The following FCMR variants were observed in gnomAD, a reference collection of about 807,000 sequenced individuals.
FCMR encodes the protein Fc mu receptor.
In FCMR, 34 loss-of-function variants were observed where a neutral mutation model predicts 41.6. The ratio of observed to expected loss-of-function variants is 0.82; its 90% CI spans 0.62 to 1.09. The LOEUF (loss-of-function observed/expected upper bound fraction) is 1.09, where lower values mean the gene tolerates loss of function less well. Among genes scored for constraint, FCMR ranks in the 50% least tolerant of loss-of-function variants. The probability of loss-of-function intolerance (pLI) is 0.00; values close to 1 mark genes in which losing one functional copy is unlikely to be tolerated. For synonymous variants in FCMR, 209 were observed against 211.8 expected (o/e 0.99, Z 0.12); for missense variants, 496 against 512.5 (o/e 0.97, Z 0.31).
Position 206,912,999 on chromosome 1 carries a change from T to G in FCMR, c.417A>C (p.Pro139=). ...SWEEQPMPET[P]KWFHLPYLFQ... ...ACAAATAGGGCAGATGAAACCATTT[T>G]GGAGTCTCAGGCATTGGCTGCTCTT... Residue 139 remains proline, a synonymous_variant, in exon 3 of 8, where the codon CCA becomes CCC. Transcript: ENST00000367091. 1 of 1,613,942 alleles carries G rather than the reference T, an allele frequency of 6.2e-7. No homozygotes were observed. Among genetic ancestry groups the G allele is most frequent in the Non-Finnish European group, 8.5e-7 (1 of 1,179,788 alleles).
chr1:206,913,851 A>G lies in FCMR; in HGVS notation c.281T>C (p.Leu94Pro), dbSNP rs1401986782. The G allele has an allele frequency of 2.5e-6, 4 of 1,614,090 alleles. No individual in the cohort carries two copies. Among genetic ancestry groups the G allele is most frequent in the Non-Finnish European group, 3.4e-6 (4 of 1,180,050 alleles). ...KNLFLVEVTQLTESDSGVYAC... is the reference protein window; with the variant it reads ...KNLFLVEVTQPTESDSGVYAC... ...ATAGACTCCGCTGTCACTTTCTGTC[A>G]GCTGTGTTACCTCCACTAGGAACAG... is the stretch of plus-strand genomic sequence containing the variant. The change falls in exon 2 of 8, where the codon CTG becomes CCG. Residue 94 changes from leucine (L) to proline (P), a missense_variant. By Grantham distance (98) the Leu-to-Pro change is moderately conservative. Transcript: ENST00000367091.
chr1:206,907,344 G>A (rs141162302), intron 7 of FCMR, among the ~76,000 whole-genome samples: 1 of 152,152 alleles, frequency 6.6e-6, no homozygotes, highest in Admixed American at 6.5e-5. Context: ...CTGTAAGCTG[G>A]GACGTGCACA....
chr1:206,920,618 G>T (rs1337781637), intron 1 of FCMR, among the ~76,000 whole-genome samples: 2 of 152,140 alleles, frequency 1.3e-5, no homozygotes, highest in African/African-American at 2.4e-5. Context: ...CTCAGAGTAT[G>T]AAAGGGGATA....
intron 7 of FCMR, chr1:206,906,067 C>A: frequency 3.0e-6 from 1 of 329,712 alleles, no homozygotes; most frequent in South Asian, 3.2e-5. Context: ...GGATGAAACT[C>A]AGTCAAGTAA....
At chr1:206,907,981 G>A (rs1678747726) in intron 7 of FCMR, 1 of 1,448,330 alleles carries the variant, frequency 6.9e-7, no homozygotes, top group Non-Finnish European at 9.7e-7. Context: ...GGTGGTTCCT[G>A]CTGCCCTCAA....
chr1:206,911,391 G>A (rs903399948), intron 4 of FCMR, among the ~76,000 whole-genome samples: 15 of 152,234 alleles, frequency 9.9e-5, no homozygotes, highest in African/African-American at 2.4e-4. Context: ...CATTAAAACA[G>A]TAAAAGGAAA....
rs1420697337 is a variant in FCMR at position 206,913,061 on chromosome 1, A to T, written c.374-19T>A. ...TCGTATTCTATTGGAAGGAAGAGGA[A>T]TATGTTGGTGGTCTCTAGGGGGAGA... On this transcript the variant is annotated intron_variant, in intron 2 of 7. Transcript: ENST00000367091. 6.3e-7 allele frequency: 1 copy of T among 1,583,004 alleles called. No homozygotes were observed. The highest frequency in any genetic ancestry group is 2.2e-5 in the East Asian group (1 of 44,534).
At chr1:206,918,925 A>G (rs533404985) in intron 1 of FCMR, among the ~76,000 whole-genome samples, 3 of 152,222 alleles carry the variant, frequency 2.0e-5, no homozygotes, top group Admixed American at 1.3e-4. Context: ...TAAAGCCCAA[A>G]TACTATATAT....
intron 1 of FCMR, among the ~76,000 whole-genome samples, chr1:206,920,399 G>A (rs1679382877): frequency 6.7e-6 from 1 of 150,270 alleles, no homozygotes; most frequent in Middle Eastern, 3.5e-3. Context: ...AGGTTGCAGT[G>A]TGATGAGATT....
Position 206,911,930 on chromosome 1 carries a change from GC to G in FCMR, c.509del (p.Gly170AlafsTer27). On this transcript the variant is annotated frameshift_variant, in exon 4 of 8. Coordinates refer to ENST00000367091, the MANE Select transcript of FCMR (RefSeq NM_005449.5). LOFTEE classifies it high-confidence loss of function. ...AGGAGTGGTGAACTGGAGGGACCTTGCCCCTTTGAGCTGGTGTGGTAACTGC... is the reference window on the plus strand; with the variant it reads ...AGGAGTGGTGAACTGGAGGGACCTTGCCCTTTGAGCTGGTGTGGTAACTGC... Reference protein sequence around the residue: ...VTRVTTPAQRGKVPPVHHSSP... With the variant: ...VTRVTTPAQRXKVPPVHHSSP... The G allele has an allele frequency of 1.2e-6, 2 of 1,608,400 alleles. No homozygotes were observed. Among genetic ancestry groups the G allele is most frequent in the Non-Finnish European group, 1.7e-6 (2 of 1,178,370 alleles).
chr1:206,912,778 T>G (rs1572624726), intron 3 of FCMR, 151 bp downstream of exon 3: 5 of 612,762 alleles, frequency 8.2e-6, no homozygotes, highest in East Asian at 2.7e-5. Flanking sequence ...CTCAGGGAGG[T>G]ATGTGCCCTC....
Position 206,905,141 on chromosome 1 carries a change from C to A in FCMR, c.1051G>T (p.Glu351Ter). The A allele has an allele frequency of 1.2e-6, 2 of 1,614,046 alleles. No homozygotes were observed. Among genetic ancestry groups the A allele is most frequent in the Non-Finnish European group, 1.7e-6 (2 of 1,179,984 alleles). Reference sequence around the variant, plus strand: ...GATGGGGCATGGAGCCAGGGAGATTCAGACACCTGGGGACAATGAAAGAAG... The same window carrying A: ...GATGGGGCATGGAGCCAGGGAGATTAAGACACCTGGGGACAATGAAAGAAG... The part of the protein sequence containing the change: ...PLPPAPLQVS[E>*]SPWLHAPSLK... The change falls in exon 8 of 8, where the codon GAA (glutamate) becomes TAA (stop). Residue 351 changes from glutamate to a stop codon, truncating the protein, a stop_gained. Transcript: ENST00000367091. LOFTEE classifies it low-confidence loss of function (END_TRUNC).
intron 7 of FCMR, chr1:206,907,990 A>C: frequency 3.5e-6 from 5 of 1,448,420 alleles, no homozygotes; most frequent in Middle Eastern, 4.8e-4. Flanking sequence ...TGCTGCCCTC[A>C]AGGTCGTGCG....
At chr1:206,916,461 C>G (rs1432642746) in intron 1 of FCMR, among the ~76,000 whole-genome samples, 4 of 152,348 alleles carry the variant, frequency 2.6e-5, no homozygotes, top group Non-Finnish European at 5.9e-5. Flanking sequence ...ATGTAGCAAC[C>G]TCCAGCAGCC....
chr1:206,906,504 G>A (rs1678651853), intron 7 of FCMR: 1 of 152,386 alleles, frequency 6.6e-6, no homozygotes, highest in Non-Finnish European at 1.5e-5. Context: ...AACTTTCTTT[G>A]TCTGAAATAG....
intron 1 of FCMR, 39 bp from the exon 2 acceptor site, chr1:206,914,133 TCTAA>T (rs755124279): frequency 6.7e-7 from 1 of 1,489,192 alleles, no homozygotes; most frequent in Non-Finnish European, 9.3e-7. Context: ...GAGCCCCATC[TCTAA>T]CTATATCCCA....
At chr1:206,913,406 T>C (rs974529235) in intron 2 of FCMR, among the ~76,000 whole-genome samples, 7 of 152,184 alleles carry the variant, frequency 4.6e-5, no homozygotes, top group Non-Finnish European at 1.0e-4. Context: ...TTAGTGTCTT[T>C]CCTTTATTTC....
rs747574362 is a variant in FCMR at position 206,910,193 on chromosome 1, G to A, written c.841+17C>T. 2.5e-6 allele frequency: 4 copies of A among 1,585,816 alleles called. No homozygotes were observed. Among genetic ancestry groups the A allele is most frequent in the Middle Eastern group, 1.9e-4 (1 of 5,336 alleles). ...TTTGGGCAGCTCAGCTCTCCCTACC[G>A]AAGCCCAGCCGCTCACCTTTCCTCC... On this transcript the variant is annotated intron_variant, in intron 5 of 7. Coordinates refer to ENST00000367091, the MANE Select transcript of FCMR (RefSeq NM_005449.5).
In FCMR at chr1:206,921,930, C is replaced by T; in HGVS notation, c.-76G>A. On this transcript the variant is annotated 5_prime_UTR_variant, in exon 1 of 8. Transcript: ENST00000367091. ...GGAGACACGCTGCTTACTCAGGAACCCTTCACAATCTGGAACTGGAAAGAG... is the reference window on the plus strand; with the variant it reads ...GGAGACACGCTGCTTACTCAGGAACTCTTCACAATCTGGAACTGGAAAGAG... The T allele has an allele frequency of 2.2e-6, 3 of 1,335,852 alleles. No homozygotes were observed. Among genetic ancestry groups the T allele is most frequent in the South Asian group, 2.4e-5 (2 of 83,816 alleles). The allele number at this position is 1,335,852 out of a possible 1,614,324, so 82.7% of individuals were successfully genotyped here. A position where few individuals can be genotyped will look rare whatever the true frequency, so the allele number is the denominator to read the frequency against.
Sources: allele counts gnomAD v4.1 joint callset (sites outside exome capture counted in the v4.1 genomes callset), GRCh38; gene constraint gnomAD v4.1.1; transcripts MANE v1.5; gene names NCBI Gene and HGNC (gene_info 2026-07-23, HGNC 2026-07-21).